Variants in FAM120B observed in about 807,000 individuals in gnomAD.
FAM120B encodes the protein constitutive coactivator of peroxisome proliferator-activated receptor gamma.
Under a neutral mutation model 96.3 loss-of-function variants are expected in FAM120B, and 83 were observed. That is an observed-to-expected ratio of 0.86 (90% confidence interval 0.72 to 1.03). The LOEUF (loss-of-function observed/expected upper bound fraction) is 1.03. Ranked by LOEUF, FAM120B falls within the 50% of genes least tolerant of loss-of-function variation. The probability of loss-of-function intolerance (pLI) is 0.00; values close to 1 mark genes in which losing one functional copy is unlikely to be tolerated. For synonymous variants in FAM120B, 407 were observed against 402.7 expected (o/e 1.01, Z -0.13); for missense variants, 1,027 against 1,121.2 (o/e 0.92, Z 1.20).
intron 8 of FAM120B, among the ~76,000 whole-genome samples, chr6:170,392,913 A>G (rs1790547743): frequency 6.6e-6 from 1 of 152,182 alleles, no homozygotes; most frequent in Admixed American, 6.5e-5. Context: ...GCCACCAACT[A>G]TAGATAGACA....
At chr6:170,388,552 A>G (rs536866371) in intron 7 of FAM120B, 59 bp downstream of exon 7, 5 of 1,429,160 alleles carry the variant, frequency 3.5e-6, no homozygotes, top group Non-Finnish European at 4.9e-6. Context: ...AGGCTGCACA[A>G]AAAACATGAA....
chr6:170,321,576 G>A (rs1369412208), intron 2 of FAM120B, among the ~76,000 whole-genome samples: 2 of 152,026 alleles, frequency 1.3e-5, no homozygotes, highest in African/African-American at 2.4e-5. Flanking sequence ...ATGGGGTTTC[G>A]CCATGTTGCC....
chr6:170,391,082 C>T lies in FAM120B; in HGVS notation c.2560C>T (p.Arg854Cys), dbSNP rs138440511. ...VCKACMKENR[R>C]ITGRAHWGSH... is the part of the protein sequence containing the mutation. ...CAAGGCCTGCATGAAGGAGAACAGACGCATCACTGGCCGAGCCCACTGGGG... is the reference window on the plus strand; with the variant it reads ...CAAGGCCTGCATGAAGGAGAACAGATGCATCACTGGCCGAGCCCACTGGGG... Residue 854 changes from arginine to cysteine, a missense_variant, in exon 8 of 11, where the codon CGC (arginine) becomes TGC (cysteine). Physicochemically the swap from Arg to Cys is radical, Grantham distance 180. Coordinates refer to ENST00000476287, the MANE Select transcript of FAM120B (RefSeq NM_032448.3). The T allele has an allele frequency of 8.4e-5, 135 of 1,614,190 alleles. No individual in the cohort carries two copies. Among genetic ancestry groups the T allele is most frequent in the Admixed American group, 2.3e-4 (14 of 60,034 alleles).
chr6:170,354,454 T>G (rs1787768444), intron 5 of FAM120B, among the ~76,000 whole-genome samples: 1 of 151,948 alleles, frequency 6.6e-6, no homozygotes, highest in African/African-American at 2.4e-5. Flanking sequence ...CACAACAAAA[T>G]AAACTATCAT....
intron 8 of FAM120B, among the ~76,000 whole-genome samples, chr6:170,391,815 A>G (rs771707079): frequency 2.0e-5 from 3 of 152,252 alleles, no homozygotes; most frequent in Admixed American, 6.5e-5. Flanking sequence ...CTTTAATTCT[A>G]TCACATAAAG....
chr6:170,355,393 G>T (rs1418675666), intron 5 of FAM120B, among the ~76,000 whole-genome samples: 3 of 152,122 alleles, frequency 2.0e-5, no homozygotes, highest in Non-Finnish European at 1.5e-5. Context: ...GCCATAAAAA[G>T]GAACTACATC....
At chr6:170,399,573 C>T in intron 9 of FAM120B, among the ~76,000 whole-genome samples, 1 of 150,608 alleles carries the variant, frequency 6.6e-6, no homozygotes, top group Non-Finnish European at 1.5e-5. Flanking sequence ...AAAGGTAGAA[C>T]TATGTCATAA....
At chr6:170,291,211 G>C (rs893696278), upstream of FAM120B, 7 of 618,522 alleles carry the variant, frequency 1.1e-5, no homozygotes, top group African/African-American at 3.7e-5. Flanking sequence ...CCTGCAAAAT[G>C]TTCACCGCAA....
rs925015855 is a variant in FAM120B at position 170,396,866 on chromosome 6, T to C, written c.2692+1287T>C. The stretch of plus-strand genomic sequence containing the variant: ...GGGAACCCAAAAACAATGGGAGGGG[T>C]TTTGTAAACTTACGTAGACTCAGAC... On this transcript the variant is annotated intron_variant, in intron 9 of 10. Coordinates refer to ENST00000476287, the MANE Select transcript of FAM120B (RefSeq NM_032448.3). Among the ~76,000 whole-genome samples, 3 of 151,868 alleles carry C rather than the reference T, an allele frequency of 2.0e-5. No homozygotes were observed. The East Asian group carries it at 5.8e-4, about 29-fold the overall frequency.
At chr6:170,385,804 A>G (rs1224179236) in intron 6 of FAM120B, among the ~76,000 whole-genome samples, 1 of 152,214 alleles carries the variant, frequency 6.6e-6, no homozygotes, top group Non-Finnish European at 1.5e-5. Flanking sequence ...AGTACTAAAA[A>G]TACGTCTATC....
chr6:170,345,758 G>A (rs1257809522), intron 4 of FAM120B, among the ~76,000 whole-genome samples: 1 of 152,200 alleles, frequency 6.6e-6, no homozygotes, highest in East Asian at 1.9e-4. Context: ...CCCATCTCAT[G>A]GAGTCTGAAC....
chr6:170,330,619 C>A, intron 4 of FAM120B, 69 bp downstream of exon 4: 1 of 1,193,074 alleles, frequency 8.4e-7, no homozygotes, highest in African/African-American at 1.5e-5. Flanking sequence ...AAGAATGCAT[C>A]AGTTATGGAA....
At chr6:170,320,671 G>C (rs191763510) in intron 2 of FAM120B, among the ~76,000 whole-genome samples, 1 of 152,182 alleles carries the variant, frequency 6.6e-6, no homozygotes, top group Non-Finnish European at 1.5e-5. Context: ...ACATGTTCTC[G>C]TAGTGAAATA....
intron 7 of FAM120B, 29 bp downstream of exon 7, chr6:170,388,522 A>G: frequency 1.3e-6 from 2 of 1,581,950 alleles, no homozygotes; most frequent in Non-Finnish European, 1.7e-6. Context: ...ACCTTTCACC[A>G]GAAACATCCC....
intron 1 of FAM120B, among the ~76,000 whole-genome samples, chr6:170,298,759 G>T (rs533959861): frequency 6.6e-6 from 1 of 152,262 alleles, no homozygotes; most frequent in East Asian, 1.9e-4. Flanking sequence ...AAGATGTGAG[G>T]CTGCTTGCAG....
chr6:170,292,810 A>G (rs1783916737), upstream of FAM120B, among the ~76,000 whole-genome samples: 1 of 152,326 alleles, frequency 6.6e-6, no homozygotes, highest in Admixed American at 6.5e-5. The surrounding 1 kb of genome is among the most constrained non-coding windows in gnomAD (Gnocchi z 6.6). Flanking sequence ...AAGTTTTAGG[A>G]TCAACAGAGA....
chr6:170,404,506 A>C, intron 9 of FAM120B, 44 bp from the exon 10 acceptor site: 2 of 1,563,306 alleles, frequency 1.3e-6, no homozygotes, highest in Non-Finnish European at 1.8e-6. Context: ...GTGTATTGAG[A>C]GAGATTTAAT....
chr6:170,291,346 C>G (rs966223223), upstream of FAM120B, among the ~76,000 whole-genome samples: 2 of 151,626 alleles, frequency 1.3e-5, no homozygotes, highest in Non-Finnish European at 3.0e-5. Context: ...ACTTGAGCGG[C>G]GGGACGCGGC....
intron 6 of FAM120B, among the ~76,000 whole-genome samples, chr6:170,360,238 C>T (rs1455842889): frequency 6.6e-6 from 1 of 152,232 alleles, no homozygotes; most frequent in Non-Finnish European, 1.5e-5. Context: ...TTCTTAAGGA[C>T]ATACGGCAAG....
Sources: gnomAD v4.1 joint callset for allele counts (sites outside exome capture counted in the v4.1 genomes callset) on GRCh38, gnomAD v4.1.1 for gene constraint, Gnocchi (gnomAD v3.1) non-coding constraint, MANE v1.5 for transcripts, NCBI Gene and HGNC (gene_info 2026-07-23, HGNC 2026-07-21) for gene names.